Variants in SEPTIN9 observed in about 807,000 individuals in gnomAD.
The protein encoded by SEPTIN9 is septin 9.
Under a neutral mutation model 56.6 loss-of-function variants are expected in SEPTIN9, and 13 were observed. The observed-to-expected ratio is 0.23, with a 90% CI of 0.15 to 0.37. The LOEUF (loss-of-function observed/expected upper bound fraction) is 0.37. SEPTIN9 is among the 10% of genes least tolerant of loss of function. The pLI is 1.00. For synonymous variants in SEPTIN9, 332 were observed against 334.1 expected, an observed-to-expected ratio of 0.99 and a Z score of 0.07; for missense variants, 650 against 823.1, an observed-to-expected ratio of 0.79 and a Z score of 2.57.
At chr17:77,422,035 T>G (rs2036724470) in intron 3 of SEPTIN9, among the ~76,000 whole-genome samples, 2 of 152,146 alleles carry the variant, frequency 1.3e-5, no homozygotes, top group African/African-American at 4.8e-5. Flanking sequence ...TTTAATTTTT[T>G]TTTGTAGAAA....
At chr17:77,491,140 C>T (rs760471238) in intron 8 of SEPTIN9, among the ~76,000 whole-genome samples, 55 of 152,130 alleles carry the variant, frequency 3.6e-4, no homozygotes, top group Non-Finnish European at 7.1e-4. Flanking sequence ...AAGACCTGGA[C>T]CAGGCAGATG....
intron 10 of SEPTIN9, among the ~76,000 whole-genome samples, chr17:77,495,173 AAT>A (rs1435548851): frequency 7.2e-5 from 9 of 124,178 alleles, no homozygotes; most frequent in Non-Finnish European, 1.8e-4. Context: ...ACTGTCAGGA[AAT>A]GCACAAGAGA....
chr17:77,448,501 A>G (rs79150884), intron 3 of SEPTIN9, among the ~76,000 whole-genome samples: 1 of 151,480 alleles, frequency 6.6e-6, no homozygotes, highest in Non-Finnish European at 1.5e-5. Flanking sequence ...AAAAAAAAAA[A>G]TTGAGACTCT....
At chr17:77,339,816 G>GTTT (rs112789192) in intron 2 of SEPTIN9, among the ~76,000 whole-genome samples, 4 of 90,230 alleles carry the variant, frequency 4.4e-5, no homozygotes, top group African/African-American at 1.5e-4. Flanking sequence ...GGCCCTATTT[G>GTTT]TTTTTTTTTT....
At chr17:77,391,030 G>T (rs1348760298) in intron 2 of SEPTIN9, among the ~76,000 whole-genome samples, 1 of 152,206 alleles carries the variant, frequency 6.6e-6, no homozygotes, top group African/African-American at 2.4e-5. Flanking sequence ...AGAAGGGCCG[G>T]CGGAGGCTGG....
chr17:77,320,610 G>A (rs1045487906), intron 2 of SEPTIN9, among the ~76,000 whole-genome samples: 2 of 152,114 alleles, frequency 1.3e-5, no homozygotes, highest in African/African-American at 4.8e-5. Context: ...ATTCTTGCAT[G>A]TCATGGCCAC....
At chr17:77,415,246 A>C (rs573832400) in intron 3 of SEPTIN9, among the ~76,000 whole-genome samples, 24 of 152,262 alleles carry the variant, frequency 1.6e-4, no homozygotes, top group African/African-American at 5.8e-4. Flanking sequence ...CGCAGCAGGC[A>C]GAGGTGCAAT....
At position 77,402,291 on chromosome 17, in the gene SEPTIN9, G is replaced by A. The variant is rs1180118147; in HGVS notation, c.309G>A (p.Pro103=). 2.3e-5 allele frequency: 37 copies of A among 1,612,584 alleles called. No homozygotes were observed. The highest frequency in any genetic ancestry group is 3.0e-5 in the Non-Finnish European group (35 of 1,179,752). ...TCTCGGGCCCCAAGGCGGCCGAGCCGGTGTCCCGGCGCACTGAGCTGTCCA... is the reference window on the plus strand; with the variant it reads ...TCTCGGGCCCCAAGGCGGCCGAGCCAGTGTCCCGGCGCACTGAGCTGTCCA... ...VELSGPKAAE[P]VSRRTELSID... The change falls in exon 3 of 12, where the codon CCG becomes CCA. Residue 103 remains proline, a synonymous_variant. Coordinates refer to ENST00000427177, the MANE Select transcript of SEPTIN9 (RefSeq NM_001113491.2). This position sits in a 1 kb window ranked among gnomAD's most constrained non-coding sequence, Gnocchi z 6.6.
At chr17:77,394,706 T>C (rs543760655) in intron 2 of SEPTIN9, among the ~76,000 whole-genome samples, 1 of 152,310 alleles carries the variant, frequency 6.6e-6, no homozygotes, top group South Asian at 2.1e-4. Flanking sequence ...AGGCCTGATA[T>C]GTACACCAGG....
intron 4 of SEPTIN9, among the ~76,000 whole-genome samples, chr17:77,486,517 TGTGTGCGCGCACGCGCGCGC>T (rs1253161901): frequency 2.3e-4 from 21 of 92,312 alleles, no homozygotes; most frequent in African/African-American, 1.7e-3. Flanking sequence ...TGTGTGTGTG[TGTGTGCGCGCACGCGCGCGC>T]GTGTTATATG....
rs528165031 is a variant in SEPTIN9, at chr17:77,369,829, A to T, written c.77-32230A>T. On this transcript the variant is annotated intron_variant, in intron 2 of 11. Coordinates refer to ENST00000427177, the MANE Select transcript of SEPTIN9 (RefSeq NM_001113491.2). This position sits in a 1 kb window ranked among gnomAD's most constrained non-coding sequence, Gnocchi z 4.9. Reference sequence around the variant, plus strand: ...CTGTGCCTGGAGGGGGGTCATGGATATGGATGTGTGCGCCAAACGCTGCTT... The same window carrying T: ...CTGTGCCTGGAGGGGGGTCATGGATTTGGATGTGTGCGCCAAACGCTGCTT... 6.6e-6 allele frequency among the ~76,000 whole-genome samples: 1 copy of T among 152,122 alleles called. No homozygotes were observed. The highest frequency in any genetic ancestry group is 2.4e-5 in the African/African-American group (1 of 41,424).
At position 77,281,528 on chromosome 17, in the gene SEPTIN9, G is replaced by A; in HGVS notation, c.-8G>A. On this transcript the variant is annotated 5_prime_UTR_variant, in exon 1 of 12. Transcript: ENST00000427177. ...CACTTTCCTGGGAGCGGCGGCCACG[G>A]AGGCACCATGAAGAAGTCTTACTCA... The A allele has an allele frequency of 6.5e-7, 1 of 1,549,252 alleles. No individual in the cohort carries two copies. Among genetic ancestry groups the A allele is most frequent in the South Asian group, 1.2e-5 (1 of 83,944 alleles).
chr17:77,395,478 G>A (rs1478083937), intron 2 of SEPTIN9, among the ~76,000 whole-genome samples: 3 of 149,984 alleles, frequency 2.0e-5, no homozygotes, highest in Non-Finnish European at 3.0e-5. Context: ...GCGGTGAGCC[G>A]AGATTGCGCC....
In SEPTIN9 at chr17:77,402,398, G is replaced by A; in HGVS notation, c.416G>A (p.Gly139Asp). The change falls in exon 3 of 12, where the codon GGC (glycine) becomes GAC (aspartate). Residue 139 changes from glycine to aspartate, a missense_variant. Transcript: ENST00000427177. This position sits in a 1 kb window ranked among gnomAD's most constrained non-coding sequence, Gnocchi z 6.6. The stretch of plus-strand genomic sequence containing the variant: ...GGGCTCAAGAGGGCCGAGGTGTTGG[G>A]CCACAAGACGCCAGAACCGGCCCCT... ...RFGLKRAEVL[G>D]HKTPEPAPRR... 1 of 1,611,208 alleles carries A rather than the reference G, an allele frequency of 6.2e-7. No individual in the cohort carries two copies. Among genetic ancestry groups the A allele is most frequent in the Non-Finnish European group, 8.5e-7 (1 of 1,179,250 alleles).
Position 77,497,337 on chromosome 17 carries a change from G to A in SEPTIN9, c.1596G>A (p.Glu532=), listed in dbSNP as rs202005693. The part of the protein sequence containing the change: ...TIEVENTTHC[E]FAYLRDLLIR... ...TAGTTGAAAACACCACACACTGTGAGTTTGCCTACCTGCGGGACCTTCTCA... is the reference window on the plus strand; with the variant it reads ...TAGTTGAAAACACCACACACTGTGAATTTGCCTACCTGCGGGACCTTCTCA... Residue 532 remains glutamate (E), a synonymous_variant, in exon 11 of 12, where the codon GAG becomes GAA. Transcript: ENST00000427177. 2.5e-6 allele frequency: 4 copies of A among 1,613,866 alleles called. No homozygotes were observed. Among genetic ancestry groups the A allele is most frequent in the Admixed American group, 1.7e-5 (1 of 59,996 alleles).
intron 3 of SEPTIN9, among the ~76,000 whole-genome samples, chr17:77,468,287 A>G (rs963725217): frequency 1.3e-5 from 2 of 152,024 alleles, no homozygotes; most frequent in African/African-American, 4.8e-5. Context: ...ACAAAACAAA[A>G]CAAAACAAAA....
intron 7 of SEPTIN9, among the ~76,000 whole-genome samples, 187 bp downstream of exon 7, chr17:77,489,051 A>C (rs577590390): frequency 1.2e-3 from 125 of 103,190 alleles, no homozygotes; most frequent in African/African-American, 6.1e-3. Flanking sequence ...ACTGACCCCT[A>C]TGCAAGTGTC....
chr17:77,455,378 G>A (rs1332407478), intron 3 of SEPTIN9, among the ~76,000 whole-genome samples: 4 of 152,178 alleles, frequency 2.6e-5, no homozygotes, highest in Admixed American at 2.6e-4. Flanking sequence ...TCAGGCCTGT[G>A]CCCCCGGCAG....
At chr17:77,312,169 C>A (rs2032522693) in intron 2 of SEPTIN9, among the ~76,000 whole-genome samples, 1 of 152,180 alleles carries the variant, frequency 6.6e-6, no homozygotes, top group Non-Finnish European at 1.5e-5. Context: ...CACCCCTGCC[C>A]TGCTGTGGCT....
Sources: allele counts gnomAD v4.1 joint callset (sites outside exome capture counted in the v4.1 genomes callset), GRCh38; gene constraint gnomAD v4.1.1; non-coding constraint Gnocchi (gnomAD v3.1); transcripts MANE v1.5; gene names NCBI Gene and HGNC (gene_info 2026-07-23, HGNC 2026-07-21).